SYBU: variants seen among roughly 807,000 people sequenced by gnomAD.
SYBU encodes the protein GOLSYN A protein.
A neutral mutation model predicts 35.9 loss-of-function variants in SYBU; 21 were observed. The observed-to-expected ratio is 0.58, with a 90% CI of 0.41 to 0.84. SYBU has a LOEUF of 0.84. Ranked by LOEUF, SYBU falls within the 40% of genes least tolerant of loss-of-function variation. The pLI is 0.00. For synonymous variants in SYBU, 319 were observed against 324.3 expected, an observed-to-expected ratio of 0.98 and a Z score of 0.18; for missense variants, 768 against 848.2, an observed-to-expected ratio of 0.91 and a Z score of 1.17.
intron 1 of SYBU, among the ~76,000 whole-genome samples, chr8:109,669,978 G>A (rs1177347471): frequency 1.3e-5 from 2 of 152,120 alleles, no homozygotes; most frequent in African/African-American, 2.4e-5. Context: ...AACAAAAAAG[G>A]TCAGTAATGG....
intron 1 of SYBU, among the ~76,000 whole-genome samples, chr8:109,658,088 C>A (rs1250028592): frequency 2.6e-5 from 4 of 152,192 alleles, no homozygotes; most frequent in Non-Finnish European, 5.9e-5. Context: ...CTTTCTTGAT[C>A]CTCTTAAAGG....
rs374229180 is a variant in SYBU, at chr8:109,575,344, C to T, written c.1554G>A (p.Leu518=). The T allele has an allele frequency of 4.3e-6, 7 of 1,614,000 alleles. No homozygotes were observed. In the Admixed American group the frequency reaches 5.0e-5, roughly 12 times the overall value. ...CTGGTTCAGACTCATCAGGGGACGCCAAGCTCGAGGGACAGGGGTCCTGGA... is the reference window on the plus strand; with the variant it reads ...CTGGTTCAGACTCATCAGGGGACGCTAAGCTCGAGGGACAGGGGTCCTGGA... The part of the protein sequence containing the change: ...QKLQDPCPSS[L]ASPDESEPDS... Residue 518 remains leucine, a synonymous_variant, in exon 7 of 7, where the codon TTG becomes TTA. Coordinates refer to ENST00000276646, the MANE Select transcript of SYBU (RefSeq NM_001099754.2).
At chr8:109,633,609 CA>C (rs1346547639) in intron 2 of SYBU, among the ~76,000 whole-genome samples, 1 of 152,120 alleles carries the variant, frequency 6.6e-6, no homozygotes, top group African/African-American at 2.4e-5. Flanking sequence ...CTGCTCTAGT[CA>C]GTGGGAAGAG....
upstream of SYBU, among the ~76,000 whole-genome samples, chr8:109,684,759 A>G (rs79936016): frequency 8.9e-3 from 1,360 of 152,288 alleles, 28 homozygotes; most frequent in African/African-American, 0.031. Context: ...AGGACTATCT[A>G]TTCTTTTCCC....
intron 1 of SYBU, chr8:109,644,183 C>A (rs1176421237): frequency 6.5e-6 from 3 of 462,404 alleles, no homozygotes; most frequent in Non-Finnish European, 1.3e-5. Flanking sequence ...GCCAGCCGCA[C>A]GCAGCCTCGG....
At chr8:109,683,832 TAGTG>T (rs965003686), upstream of SYBU, among the ~76,000 whole-genome samples, 4 of 152,324 alleles carry the variant, frequency 2.6e-5, no homozygotes, top group South Asian at 2.1e-4. Flanking sequence ...GTTCTCATGA[TAGTG>T]AGTGTGTTCT....
upstream of SYBU, chr8:109,647,870 G>A (rs2130702807): frequency 6.6e-6 from 1 of 152,318 alleles, no homozygotes; most frequent in South Asian, 2.1e-4. Context: ...TGATGATTTA[G>A]TGTTCAGATG....
intron 2 of SYBU, among the ~76,000 whole-genome samples, chr8:109,639,744 G>C (rs78025051): frequency 0.023 from 3,552 of 152,270 alleles, 132 homozygotes; most frequent in African/African-American, 0.079. Flanking sequence ...TCTGGCCTCA[G>C]TGTTGGAGTG....
intron 3 of SYBU, among the ~76,000 whole-genome samples, chr8:109,611,600 T>C (rs1811179625): frequency 6.6e-6 from 1 of 152,180 alleles, no homozygotes; most frequent in African/African-American, 2.4e-5. Context: ...GTTTTAGAGA[T>C]CTATTTCAGT....
chr8:109,644,341 T>G (rs545833139), intron 1 of SYBU: 1 of 597,966 alleles, frequency 1.7e-6, no homozygotes, highest in Non-Finnish European at 3.1e-6. Context: ...TTCATTCACA[T>G]CACACACACA....
intron 3 of SYBU, among the ~76,000 whole-genome samples, chr8:109,593,206 G>C (rs1190018058): frequency 6.6e-6 from 1 of 152,182 alleles, no homozygotes; most frequent in Non-Finnish European, 1.5e-5. Context: ...ATGAGGAAGA[G>C]AGCTCCAAAG....
At chr8:109,612,702 G>A (rs1056391358) in intron 3 of SYBU, among the ~76,000 whole-genome samples, 10 of 149,670 alleles carry the variant, frequency 6.7e-5, no homozygotes, top group Non-Finnish European at 1.3e-4. Flanking sequence ...CACCCAGGCG[G>A]AGTGCGGTGG....
chr8:109,653,987 A>G (rs904200209), intron 1 of SYBU, among the ~76,000 whole-genome samples: 1 of 152,184 alleles, frequency 6.6e-6, no homozygotes, highest in Non-Finnish European at 1.5e-5. Flanking sequence ...CAGAGGAGTT[A>G]ATAACCATAA....
chr8:109,688,955 C>T (rs894109298), intron 1 of SYBU, among the ~76,000 whole-genome samples: 1 of 152,012 alleles, frequency 6.6e-6, no homozygotes, highest in Non-Finnish European at 1.5e-5. Flanking sequence ...TACATCTTAA[C>T]GGTGTGTATG....
At chr8:109,656,079 G>A (rs965444087) in intron 1 of SYBU, among the ~76,000 whole-genome samples, 33 of 151,750 alleles carry the variant, frequency 2.2e-4, no homozygotes, top group African/African-American at 7.8e-4. Context: ...TCATGCCACT[G>A]CACTCCAGAC....
rs181105687 is a variant in SYBU, at chr8:109,679,554, G to A, written c.-129+1157C>T. On this transcript the variant is annotated intron_variant, in intron 1 of 5. Transcript: ENST00000408889. Reference sequence around the variant, plus strand: ...GCTCTTAGTTTGTCCGCACAATAATGGCACTATTCTTATGTAATTGCTTTG... The same window carrying A: ...GCTCTTAGTTTGTCCGCACAATAATAGCACTATTCTTATGTAATTGCTTTG... Among the ~76,000 whole-genome samples, 591 of 152,284 alleles carry A rather than the reference G, an allele frequency of 3.9e-3. 3 individuals carry two copies. Among genetic ancestry groups the A allele is most frequent in the Non-Finnish European group, 6.4e-3 (435 of 68,028 alleles).
chr8:109,670,985 A>G (rs1816959110), intron 1 of SYBU, among the ~76,000 whole-genome samples: 1 of 152,198 alleles, frequency 6.6e-6, no homozygotes, highest in African/African-American at 2.4e-5. Context: ...CTAAACAGAT[A>G]AAAAATTGGT....
intron 6 of SYBU, 47 bp from the exon 7 acceptor site, chr8:109,576,060 A>AAC: frequency 6.7e-7 from 1 of 1,496,868 alleles, no homozygotes; most frequent in Non-Finnish European, 8.8e-7. Flanking sequence ...AAAAAAAAAA[A>AAC]AAAAAAAAAA....
At chr8:109,640,148 C>T (rs1276046000) in intron 2 of SYBU, among the ~76,000 whole-genome samples, 1 of 152,124 alleles carries the variant, frequency 6.6e-6, no homozygotes, top group African/African-American at 2.4e-5. Flanking sequence ...ATGCTTCTGC[C>T]ACTCAATTTT....
Sources: allele counts gnomAD v4.1 joint callset (sites outside exome capture counted in the v4.1 genomes callset), GRCh38; gene constraint gnomAD v4.1.1; transcripts MANE v1.5; gene names NCBI Gene and HGNC (gene_info 2026-07-23, HGNC 2026-07-21).